Variants in EEFSEC observed in about 807,000 individuals in gnomAD.
EEFSEC encodes the protein eukaryotic elongation factor, selenocysteine-tRNA specific.
Under a neutral mutation model 42.1 loss-of-function variants are expected in EEFSEC, and 43 were observed. The ratio of observed to expected loss-of-function variants is 1.02; its 90% CI spans 0.80 to 1.32. EEFSEC has a LOEUF of 1.32. Ranked by LOEUF, EEFSEC falls within the 40% of genes most tolerant of loss-of-function variation. EEFSEC has a pLI of 0.00. For missense variants in EEFSEC, 745 were observed against 803.6 expected (o/e 0.93, Z 0.88); for synonymous variants, 354 against 339.1 (o/e 1.04, Z -0.48).
intron 5 of EEFSEC, among the ~76,000 whole-genome samples, chr3:128,353,200 CA>C (rs2067409900): frequency 6.6e-6 from 1 of 152,180 alleles, no homozygotes; most frequent in African/African-American, 2.4e-5. Context: ...TTTAAAGTAA[CA>C]GTTTCTAAGA....
intron 1 of EEFSEC, among the ~76,000 whole-genome samples, chr3:128,213,710 C>G (rs2065782048): frequency 6.6e-6 from 1 of 151,754 alleles, no homozygotes; most frequent in African/African-American, 2.4e-5. Flanking sequence ...GTTTTAAACT[C>G]ACATACTTAC....
intron 3 of EEFSEC, among the ~76,000 whole-genome samples, chr3:128,264,189 A>G (rs190495928): frequency 2.6e-5 from 4 of 152,216 alleles, no homozygotes; most frequent in Admixed American, 1.3e-4. Context: ...GATGAGGCCT[A>G]AAAGGTACCT....
chr3:128,384,464 G>T (rs1294347487), intron 6 of EEFSEC, among the ~76,000 whole-genome samples: 1 of 152,204 alleles, frequency 6.6e-6, no homozygotes, highest in Non-Finnish European at 1.5e-5. Flanking sequence ...TGAGTGTGGG[G>T]GTGAAGTGCT....
intron 4 of EEFSEC, among the ~76,000 whole-genome samples, chr3:128,304,452 T>A (rs983449692): frequency 1.4e-4 from 22 of 152,248 alleles, no homozygotes; most frequent in Non-Finnish European, 2.2e-4. Context: ...TTGTTTAGAA[T>A]AGCTGTTGAT....
chr3:128,385,602 C>G (rs1468945528), intron 6 of EEFSEC, among the ~76,000 whole-genome samples: 4 of 152,234 alleles, frequency 2.6e-5, no homozygotes, highest in Non-Finnish European at 5.9e-5. Context: ...ACAGTGGACA[C>G]TAACATTTAC....
At chr3:128,366,652 T>G (rs1315833393) in intron 6 of EEFSEC, among the ~76,000 whole-genome samples, 2 of 152,212 alleles carry the variant, frequency 1.3e-5, no homozygotes, top group African/African-American at 4.8e-5. Context: ...CTGACTCTTG[T>G]GTGTGGAAAG....
At chr3:128,362,483 G>T (rs928614253) in intron 6 of EEFSEC, among the ~76,000 whole-genome samples, 1 of 152,214 alleles carries the variant, frequency 6.6e-6, no homozygotes, top group Non-Finnish European at 1.5e-5. Flanking sequence ...GTTGTTTTGT[G>T]TACCTGCCAA....
chr3:128,425,854 T>C, the EEFSEC span, among the ~76,000 whole-genome samples: 1 of 152,126 alleles, frequency 6.6e-6, no homozygotes, highest in African/African-American at 2.4e-5. Context: ...CGGGCCTTGC[T>C]GAGGTGAGTT....
intron 4 of EEFSEC, among the ~76,000 whole-genome samples, chr3:128,312,391 C>G (rs2066899075): frequency 6.6e-6 from 1 of 152,228 alleles, no homozygotes; most frequent in African/African-American, 2.4e-5. Flanking sequence ...AGTTTTGGTC[C>G]TGTCCAACTG....
rs73861013 is a variant in EEFSEC, at chr3:128,208,874, T to G, written c.317-37962T>G. Reference sequence around the variant, plus strand: ...TCCTGCACTACTTCTCACTGAATGCTTACCTTTGAATTCCCATGAATTAAA... The same window carrying G: ...TCCTGCACTACTTCTCACTGAATGCGTACCTTTGAATTCCCATGAATTAAA... On this transcript the variant is annotated intron_variant, in intron 1 of 6. Transcript: ENST00000254730. Among the ~76,000 whole-genome samples the G allele has an allele frequency of 7.7e-3, 1,171 of 152,338 alleles. 16 individuals are homozygous for G. The highest frequency in any genetic ancestry group is 0.027 in the African/African-American group (1,121 of 41,568).
At chr3:128,180,460 C>G (rs1406003493) in intron 1 of EEFSEC, among the ~76,000 whole-genome samples, 1 of 152,202 alleles carries the variant, frequency 6.6e-6, no homozygotes, top group Non-Finnish European at 1.5e-5. Context: ...TTGTGTGGCA[C>G]TCAGCCACAC....
At chr3:128,181,576 A>G (rs974060536) in intron 1 of EEFSEC, among the ~76,000 whole-genome samples, 13 of 152,222 alleles carry the variant, frequency 8.5e-5, no homozygotes, top group Non-Finnish European at 1.9e-4. Flanking sequence ...AGACGGCGAT[A>G]AGGAGTTTTG....
chr3:128,307,158 C>G (rs796151630), intron 4 of EEFSEC, among the ~76,000 whole-genome samples: 45 of 152,370 alleles, frequency 3.0e-4, no homozygotes, highest in African/African-American at 1.1e-3. Flanking sequence ...GGGGCCTTGC[C>G]TGCCCCTGCC....
intron 4 of EEFSEC, among the ~76,000 whole-genome samples, chr3:128,289,524 A>G (rs2066620806): frequency 6.6e-6 from 1 of 152,358 alleles, no homozygotes; most frequent in African/African-American, 2.4e-5. Context: ...TCAACTGTGC[A>G]TGGGAATGCA....
intron 1 of EEFSEC, 99 bp downstream of exon 1, chr3:128,153,922 C>G: frequency 7.1e-7 from 1 of 1,403,090 alleles, no homozygotes; most frequent in Admixed American, 3.2e-5. Flanking sequence ...GACGGGAAAT[C>G]GCCCCACCTC....
At chr3:128,360,756 G>A (rs1239300071) in intron 6 of EEFSEC, among the ~76,000 whole-genome samples, 1 of 151,964 alleles carries the variant, frequency 6.6e-6, no homozygotes, top group South Asian at 2.1e-4. Flanking sequence ...GAGGGGTATA[G>A]GGACACTGCC....
At chr3:128,301,422 A>G (rs2066767476) in intron 4 of EEFSEC, among the ~76,000 whole-genome samples, 2 of 152,148 alleles carry the variant, frequency 1.3e-5, no homozygotes, top group East Asian at 1.9e-4. Context: ...GGCTCTGCAC[A>G]TGGGCGGGAC....
rs201887891 is a variant in EEFSEC, at chr3:128,341,638, G to T, written c.1192G>T (p.Ala398Ser). The T allele has an allele frequency of 4.3e-5, 70 of 1,614,090 alleles. 1 individual carries two copies. The East Asian group carries it at 1.1e-3, about 25-fold the overall frequency. The change falls in exon 5 of 7, where the codon GCC (alanine) becomes TCC (serine). Residue 398 changes from alanine to serine, a missense_variant. Physicochemically the swap from Ala to Ser is moderately conservative, Grantham distance 99. Transcript: ENST00000254730. ...AGACAATGATGAGGCCGACAAGAAG[G>T]CCGGCCAGGCCACAGAGGGCCATTG... ...VTDNDEADKKAGQATEGHCPR... is the reference protein window; with the variant it reads ...VTDNDEADKKSGQATEGHCPR...
Position 128,245,136 on chromosome 3 carries a change from C to T in EEFSEC, c.317-1700C>T, listed in dbSNP as rs148637210. On this transcript the variant is annotated intron_variant, in intron 1 of 6. Coordinates refer to ENST00000254730, the MANE Select transcript of EEFSEC (RefSeq NM_021937.5). ...ATCAGTGATATATTTTTAGAAAGTG[C>T]CTTTGGGAAGGCTGTTTGGAGGATG... 2.0e-3 allele frequency among the ~76,000 whole-genome samples: 310 copies of T among 152,250 alleles called. 3 individuals carry two copies. Among genetic ancestry groups the T allele is most frequent in the Non-Finnish European group, 3.9e-3 (263 of 68,012 alleles).
Sources: allele counts gnomAD v4.1 joint callset (sites outside exome capture counted in the v4.1 genomes callset), GRCh38; gene constraint gnomAD v4.1.1; transcripts MANE v1.5; gene names NCBI Gene and HGNC (gene_info 2026-07-23, HGNC 2026-07-21).